The following AUTS2 variants were observed in gnomAD, a reference collection of about 807,000 sequenced individuals.
The protein encoded by AUTS2 is activator of transcription and developmental regulator AUTS2.
In AUTS2, 17 loss-of-function variants were observed where a neutral mutation model predicts 112.4. The observed-to-expected ratio is 0.15, with a 90% CI of 0.10 to 0.23. The LOEUF is 0.23. Ranked by LOEUF, AUTS2 falls within the 10% of genes least tolerant of loss-of-function variation. The probability of loss-of-function intolerance (pLI) is 1.00; values close to 1 mark genes in which losing one functional copy is unlikely to be tolerated. For synonymous variants in AUTS2, 751 were observed against 702.7 expected, an observed-to-expected ratio of 1.07 and a Z score of -1.09; for missense variants, 1,510 against 1,701.6, an observed-to-expected ratio of 0.89 and a Z score of 1.98.
At chr7:69,671,345 A>C (rs1466316524) in intron 1 of AUTS2, among the ~76,000 whole-genome samples, 1 of 152,140 alleles carries the variant, frequency 6.6e-6, no homozygotes, top group Non-Finnish European at 1.5e-5. Flanking sequence ...GGGGTAATAA[A>C]CACTTACTCA....
chr7:69,987,958 G>A (rs774274466), intron 2 of AUTS2, among the ~76,000 whole-genome samples: 44 of 152,268 alleles, frequency 2.9e-4, no homozygotes, highest in Admixed American at 1.2e-3. Flanking sequence ...AGAGGTGTGC[G>A]TGTGTATGTC....
At chr7:70,304,543 G>C (rs1192250809) in intron 4 of AUTS2, among the ~76,000 whole-genome samples, 3 of 151,982 alleles carry the variant, frequency 2.0e-5, no homozygotes, top group Non-Finnish European at 4.4e-5. Context: ...AGTCTGAGGT[G>C]GTACTCAGTT....
At chr7:70,604,457 C>A (rs1490958389) in intron 5 of AUTS2, among the ~76,000 whole-genome samples, 1 of 152,162 alleles carries the variant, frequency 6.6e-6, no homozygotes, top group Non-Finnish European at 1.5e-5. Context: ...GTTGCACCAG[C>A]CAGATTTGCG....
intron 7 of AUTS2, 51 bp from the exon 8 acceptor site, chr7:70,764,701 T>C: frequency 1.4e-6 from 1 of 712,234 alleles, no homozygotes; most frequent in Non-Finnish European, 2.6e-6. Flanking sequence ...AGAGAATACA[T>C]TGCTTACCTT....
At chr7:69,946,281 T>G (rs1432198369) in intron 2 of AUTS2, among the ~76,000 whole-genome samples, 2 of 152,078 alleles carry the variant, frequency 1.3e-5, no homozygotes, top group African/African-American at 2.4e-5. Context: ...TCCAATGGTG[T>G]GTAGTAAAGG....
At position 69,863,060 on chromosome 7, in the gene AUTS2, G is replaced by T. The variant is rs542877779; in HGVS notation, c.310-36226G>T. On this transcript the variant is annotated intron_variant, in intron 1 of 18. Coordinates refer to ENST00000342771, the MANE Select transcript of AUTS2 (RefSeq NM_015570.4). ...TCCACATTCACCTGAGTCTTCCAAA[G>T]ATACGAGGACTCGGGGTGGTGATAG... 1.3e-3 allele frequency among the ~76,000 whole-genome samples: 164 copies of T among 127,942 alleles called. 1 individual carries two copies. Among genetic ancestry groups the T allele is most frequent in the African/African-American group, 4.2e-3 (160 of 37,802 alleles). The allele number at this position is 127,942 out of a possible 152,430, so 83.9% of individuals were successfully genotyped here.
chr7:70,215,641 TG>T (rs1194502024), intron 4 of AUTS2, among the ~76,000 whole-genome samples: 1 of 152,126 alleles, frequency 6.6e-6, no homozygotes, highest in Admixed American at 6.5e-5. Flanking sequence ...CAGAGCTCTT[TG>T]GGGGTGAAAT....
At chr7:69,871,094 A>C (rs1307406976) in intron 1 of AUTS2, among the ~76,000 whole-genome samples, 1 of 152,152 alleles carries the variant, frequency 6.6e-6, no homozygotes, top group Non-Finnish European at 1.5e-5. Context: ...ACATTTAACC[A>C]ACACTCTCTA....
At chr7:69,611,538 TGG>T (rs1793032208) in intron 1 of AUTS2, among the ~76,000 whole-genome samples, 1 of 152,238 alleles carries the variant, frequency 6.6e-6, no homozygotes, top group South Asian at 2.1e-4. Context: ...ATTCCAGAAA[TGG>T]TTCCTGTGTT....
At chr7:70,709,152 C>T (rs1280970654) in intron 6 of AUTS2, among the ~76,000 whole-genome samples, 2 of 151,710 alleles carry the variant, frequency 1.3e-5, no homozygotes, top group African/African-American at 2.4e-5. Flanking sequence ...CTCCTGACCT[C>T]GTGATCCGCT....
intron 5 of AUTS2, among the ~76,000 whole-genome samples, chr7:70,645,816 A>C (rs545803503): frequency 6.6e-6 from 1 of 152,172 alleles, no homozygotes; most frequent in East Asian, 1.9e-4. Context: ...GCAATTAAGA[A>C]CTCCATCACA....
chr7:70,099,840 A>C (rs1419153502), intron 2 of AUTS2, among the ~76,000 whole-genome samples: 1 of 152,238 alleles, frequency 6.6e-6, no homozygotes, highest in Non-Finnish European at 1.5e-5. Flanking sequence ...GAAATAGTAG[A>C]AAGACATAAT....
intron 1 of AUTS2, among the ~76,000 whole-genome samples, chr7:69,708,565 C>A (rs1428613277): frequency 6.6e-6 from 1 of 152,172 alleles, no homozygotes; most frequent in Non-Finnish European, 1.5e-5. Flanking sequence ...GCAAGTGCTA[C>A]ATATTATGTC....
intron 4 of AUTS2, among the ~76,000 whole-genome samples, chr7:70,307,449 C>T (rs747944858): frequency 2.6e-5 from 4 of 152,180 alleles, no homozygotes; most frequent in Non-Finnish European, 5.9e-5. Context: ...CTTGTCCTCA[C>T]GAAGATTTTT....
intron 4 of AUTS2, among the ~76,000 whole-genome samples, chr7:70,387,556 T>C (rs1793668387): frequency 6.6e-6 from 1 of 152,232 alleles, no homozygotes; most frequent in South Asian, 2.1e-4. Context: ...CACTTGGATG[T>C]CCTGCCAGCT....
At position 70,750,421 on chromosome 7, in the gene AUTS2, C is replaced by T. The variant is rs549940485; in HGVS notation, c.743-12449C>T. Among the ~76,000 whole-genome samples the T allele has an allele frequency of 1.1e-3, 130 of 115,180 alleles. 1 individual carries two copies. Among genetic ancestry groups the T allele is most frequent in the African/African-American group, 5.8e-3 (123 of 21,240 alleles). The allele number at this position is 115,180 out of a possible 152,430, so 75.6% of individuals were successfully genotyped here. A position where few individuals can be genotyped will look rare whatever the true frequency, so the allele number is the denominator to read the frequency against. On this transcript the variant is annotated intron_variant, in intron 6 of 18. Coordinates refer to ENST00000342771, the MANE Select transcript of AUTS2 (RefSeq NM_015570.4). ...CTCACTGCAGCCTCTACCTCCCAGGCTCAGGTGTTCCTCCCACCTCAGCCT... is the reference window on the plus strand; with the variant it reads ...CTCACTGCAGCCTCTACCTCCCAGGTTCAGGTGTTCCTCCCACCTCAGCCT...
At chr7:70,786,551 A>T (rs1791491673) in intron 17 of AUTS2, among the ~76,000 whole-genome samples, 1 of 152,168 alleles carries the variant, frequency 6.6e-6, no homozygotes, top group Admixed American at 6.5e-5. Flanking sequence ...TTCTACTATT[A>T]AAAAAGCCCA....
intron 1 of AUTS2, among the ~76,000 whole-genome samples, chr7:69,705,822 ATC>A (rs1798042968): frequency 6.6e-6 from 1 of 152,022 alleles, no homozygotes; most frequent in African/African-American, 2.4e-5. Flanking sequence ...TCTGAGGCCA[ATC>A]TCTTTGTCTT....
chr7:69,783,088 CTTTTTTTT>C (rs398047755), intron 1 of AUTS2, among the ~76,000 whole-genome samples: 10,227 of 85,552 alleles, frequency 0.12, 563 homozygotes, highest in African/African-American at 0.22. Context: ...TGCTGCTCAT[CTTTTTTTT>C]TTTTTTTTTT....
Sources: allele counts gnomAD v4.1 joint callset (sites outside exome capture counted in the v4.1 genomes callset), GRCh38; gene constraint gnomAD v4.1.1; transcripts MANE v1.5; gene names NCBI Gene and HGNC (gene_info 2026-07-23, HGNC 2026-07-21).